The following AHNAK2 variants were observed in gnomAD, a reference collection of about 807,000 sequenced individuals.
AHNAK2 encodes AHNAK nucleoprotein 2.
Under a neutral mutation model 30.7 loss-of-function variants are expected in AHNAK2, and 18 were observed. The observed-to-expected ratio is 0.59, with a 90% CI of 0.41 to 0.87. The LOEUF (loss-of-function observed/expected upper bound fraction) is 0.87, where lower values mean the gene tolerates loss of function less well. AHNAK2 is among the 40% of genes least tolerant of loss of function. The pLI is 0.00. For synonymous variants in AHNAK2, 3,590 were observed against 3,073.8 expected (o/e 1.17, Z -5.56); for missense variants, 8,604 against 7,373.0 (o/e 1.17, Z -6.11).
rs747020653 is a variant in AHNAK2 at position 104,940,966 on chromosome 14, T to A, written c.14485A>T (p.Thr4829Ser). 1 of 1,613,128 alleles carries A rather than the reference T, an allele frequency of 6.2e-7. No individual in the cohort carries two copies. Among genetic ancestry groups the A allele is most frequent in the Non-Finnish European group, 8.5e-7 (1 of 1,179,838 alleles). Residue 4829 changes from threonine to serine, a missense_variant, in exon 7 of 7, where the codon ACT becomes TCT. Transcript: ENST00000333244. The surrounding 1 kb of genome is among the most constrained non-coding windows in gnomAD (Gnocchi z 4.4). ...ACTCCCTCTGGAGGCTGCAGGTCAG[T>A]GGAGCACTCTGTCTTGGGAAGAGGA... ...DIPLPKTECS[T>S]DLQPPEGVPT...
At position 104,939,002 on chromosome 14, in the gene AHNAK2, C is replaced by T; in HGVS notation, c.16449G>A (p.Val5483=). ...ESQEVTIHSI[V]TPEFVDLSVP... Reference sequence around the variant, plus strand: ...CTGAGAGATCTACAAACTCTGGTGTCACTATGCTGTGTATAGTGACCTCTT... The same window carrying T: ...CTGAGAGATCTACAAACTCTGGTGTTACTATGCTGTGTATAGTGACCTCTT... The change falls in exon 7 of 7, where the codon GTG becomes GTA. Residue 5483 remains valine, a synonymous_variant. Transcript: ENST00000333244. 6.2e-7 allele frequency: 1 copy of T among 1,611,326 alleles called. No homozygotes were observed. Among genetic ancestry groups the T allele is most frequent in the Non-Finnish European group, 8.5e-7 (1 of 1,178,904 alleles).
At position 104,944,401 on chromosome 14, in the gene AHNAK2, T is replaced by G; in HGVS notation, c.11050A>C (p.Thr3684Pro). The G allele has an allele frequency of 6.2e-7, 1 of 1,612,208 alleles. No individual in the cohort carries two copies. The highest frequency in any genetic ancestry group is 1.1e-5 in the South Asian group (1 of 90,996). ...LPSMQGDLKTTDLSIQPPSAD... is the reference protein window; with the variant it reads ...LPSMQGDLKTPDLSIQPPSAD... ...GAAGGGGGCTGAATGCTGAGGTCAG[T>G]GGTCTTCAGGTCCCCCTGCATGGAG... Residue 3684 changes from threonine (T) to proline (P), a missense_variant, in exon 7 of 7, where the codon ACT becomes CCT. By Grantham distance (38) the Thr-to-Pro change is conservative. Coordinates refer to ENST00000333244, the MANE Select transcript of AHNAK2 (RefSeq NM_138420.4).
Position 104,940,005 on chromosome 14 carries a change from T to G in AHNAK2, c.15446A>C (p.Glu5149Ala), listed in dbSNP as rs538236789. The G allele has an allele frequency of 3.1e-6, 5 of 1,612,634 alleles. No individual in the cohort carries two copies. Among genetic ancestry groups the G allele is most frequent in the South Asian group, 1.1e-5 (1 of 91,082 alleles). The change falls in exon 7 of 7, where the codon GAG becomes GCG. Residue 5149 changes from glutamate to alanine, a missense_variant. Physicochemically the swap from Glu to Ala is moderately radical, Grantham distance 107. Transcript: ENST00000333244. The surrounding 1 kb of genome is among the most constrained non-coding windows in gnomAD (Gnocchi z 4.4). ...ATCTTCAGGTGTGGGGGCTATCCCCTCCCCACAAGGCTGGCTCACTGGGAC... is the reference window on the plus strand; with the variant it reads ...ATCTTCAGGTGTGGGGGCTATCCCCGCCCCACAAGGCTGGCTCACTGGGAC... ...GDVPVSQPCG[E>A]GIAPTPEDPL...
Position 104,945,619 on chromosome 14 carries a change from C to A in AHNAK2, c.9832G>T (p.Val3278Phe). The change falls in exon 7 of 7, where the codon GTC becomes TTC. Residue 3278 changes from valine (V) to phenylalanine (F), a missense_variant. Physicochemically the swap from Val to Phe is conservative, Grantham distance 50. Transcript: ENST00000333244. The part of the protein sequence containing the change: ...EVSQPSMEVD[V>F]EAPGAKLDGA... ...TCCAACTTGGCTCCTGGGGCCTCGA[C>A]GTCCACCTCCATGCTGGGCTGAGAC... is the stretch of plus-strand genomic sequence containing the variant. 8 of 1,592,884 alleles carry A rather than the reference C, an allele frequency of 5.0e-6. No individual in the cohort carries two copies. Among genetic ancestry groups the A allele is most frequent in the Non-Finnish European group, 6.9e-6 (8 of 1,165,878 alleles).
At chr14:104,972,090 A>G (rs1330623562) in intron 1 of AHNAK2, among the ~76,000 whole-genome samples, 2 of 152,188 alleles carry the variant, frequency 1.3e-5, no homozygotes. Context: ...AGGGCAGGGA[A>G]GGCTCTGTCC....
chr14:104,963,805 G>A (rs1378885051), intron 1 of AHNAK2, among the ~76,000 whole-genome samples: 2 of 149,330 alleles, frequency 1.3e-5, no homozygotes, highest in Non-Finnish European at 3.0e-5. Flanking sequence ...ACTCCAGCCT[G>A]GGCCACACAG....
chr14:104,975,512 G>A (rs1405307925), intron 1 of AHNAK2, among the ~76,000 whole-genome samples: 1 of 152,212 alleles, frequency 6.6e-6, no homozygotes, highest in Non-Finnish European at 1.5e-5. Context: ...GCCCATTCCT[G>A]CCACTAGCGG....
At chr14:104,969,369 A>T (rs953756143) in intron 1 of AHNAK2, among the ~76,000 whole-genome samples, 1 of 152,212 alleles carries the variant, frequency 6.6e-6, no homozygotes, top group Non-Finnish European at 1.5e-5. Context: ...CCTAGCCGAC[A>T]TCCCCAGCCT....
chr14:104,945,253 T>G lies in AHNAK2; in HGVS notation c.10198A>C (p.Lys3400Gln), dbSNP rs377499437. Residue 3400 changes from lysine to glutamine, a missense_variant, in exon 7 of 7, where the codon AAG becomes CAG. Coordinates refer to ENST00000333244, the MANE Select transcript of AHNAK2 (RefSeq NM_138420.4). The part of the protein sequence containing the change: ...HLPKVEMPSF[K>Q]MPKVDLKSPQ... The stretch of plus-strand genomic sequence containing the variant: ...CTCTTGAGGTCCACTTTGGGCATCT[T>G]GAAACTGGGCATCTCCACCTTGGGC... The G allele has an allele frequency of 3.1e-6, 5 of 1,612,812 alleles. No individual in the cohort carries two copies. The highest frequency in any genetic ancestry group is 4.2e-6 in the Non-Finnish European group (5 of 1,179,572).
At position 104,964,850 on chromosome 14, in the gene AHNAK2, A is replaced by T. The variant is rs534439810; in HGVS notation, c.56-7178T>A. ...GGTTTGTACCCTTTCTCCATAAAAA[A>T]TTTTAGAATTCTATATAAAATCAAA... On this transcript the variant is annotated intron_variant, in intron 1 of 6. Transcript: ENST00000333244. Among the ~76,000 whole-genome samples, 276 of 152,348 alleles carry T rather than the reference A, an allele frequency of 1.8e-3. 2 individuals carry two copies. Among genetic ancestry groups the T allele is most frequent in the African/African-American group, 6.4e-3 (266 of 41,582 alleles).
rs1337644005 is a variant in AHNAK2 at position 104,940,084 on chromosome 14, G to A, written c.15367C>T (p.Pro5123Ser). ...CCTTCGGTAGACAGATCATGTTTGGGAAGAGGCAGGTCAGCTTCAGGCTGG... is the reference window on the plus strand; with the variant it reads ...CCTTCGGTAGACAGATCATGTTTGGAAAGAGGCAGGTCAGCTTCAGGCTGG... ...VSQPEADLPL[P>S]KHDLSTEGDS... is the part of the protein sequence containing the mutation. Residue 5123 changes from proline to serine, a missense_variant, in exon 7 of 7, where the codon CCC becomes TCC. By Grantham distance (74) the Pro-to-Ser change is moderately conservative. Transcript: ENST00000333244. This position sits in a 1 kb window ranked among gnomAD's most constrained non-coding sequence, Gnocchi z 4.4. The A allele has an allele frequency of 5.6e-6, 9 of 1,613,160 alleles. No individual in the cohort carries two copies. The highest frequency in any genetic ancestry group is 7.6e-6 in the Non-Finnish European group (9 of 1,179,888).
rs777772167 is a variant in AHNAK2 at position 104,954,002 on chromosome 14, C to G, written c.1449G>C (p.Arg483Ser). The change falls in exon 7 of 7, where the codon AGG (arginine) becomes AGC (serine). Residue 483 changes from arginine to serine, a missense_variant. Physicochemically the swap from Arg to Ser is moderately radical, Grantham distance 110. Coordinates refer to ENST00000333244, the MANE Select transcript of AHNAK2 (RefSeq NM_138420.4). This position sits in a 1 kb window ranked among gnomAD's most constrained non-coding sequence, Gnocchi z 4.3. ...GGTQIGPPEI[R>S]VRVHDLKTPK... ...GTGTCTTTAAATCGTGTACTCGCAC[C>G]CTAATTTCTGGTGGGCCAATCTGTG... is the stretch of plus-strand genomic sequence containing the variant. 2 of 1,613,762 alleles carry G rather than the reference C, an allele frequency of 1.2e-6. No individual in the cohort carries two copies. Among genetic ancestry groups the G allele is most frequent in the African/African-American group, 1.3e-5 (1 of 75,014 alleles).
rs372599226 is a variant in AHNAK2, at chr14:104,950,521, G to A, written c.4930C>T (p.Leu1644=). 11 of 1,586,238 alleles carry A rather than the reference G, an allele frequency of 6.9e-6. 2 individuals are homozygous for A. The South Asian group carries it at 1.1e-4, about 16-fold the overall frequency. The part of the protein sequence containing the change: ...KLDGAQLEGD[L]SLADKAVTAK... The stretch of plus-strand genomic sequence containing the variant: ...GTCACCGCCTTGTCGGCCAGGGACA[G>A]GTCCCCCTCCAGCTGCGCACCATCC... The change falls in exon 7 of 7, where the codon CTG becomes TTG. Residue 1644 remains leucine (L), a synonymous_variant. Transcript: ENST00000333244.
At position 104,944,091 on chromosome 14, in the gene AHNAK2, C is replaced by G. The variant is rs766912068; in HGVS notation, c.11360G>C (p.Gly3787Ala). 56 of 1,613,428 alleles carry G rather than the reference C, an allele frequency of 3.5e-5. No homozygotes were observed. Among genetic ancestry groups the G allele is most frequent in the Non-Finnish European group, 4.6e-5 (54 of 1,179,702 alleles). ...RAKLDSAQLE[G>A]DLSLADKDVT... ...ATCCTTGTCGGCCAGGGACAGGTCC[C>G]CCTCCAGCTGTGCACTATCCAGTTT... Residue 3787 changes from glycine to alanine, a missense_variant, in exon 7 of 7, where the codon GGG becomes GCG. Gly to Ala is a moderately conservative substitution (Grantham distance 60). Coordinates refer to ENST00000333244, the MANE Select transcript of AHNAK2 (RefSeq NM_138420.4).
In AHNAK2 at chr14:104,939,142, G is replaced by A; in HGVS notation, c.16309C>T (p.Leu5437=). Reference sequence around the variant, plus strand: ...CCAGGGACCCCAGCACCTGCCTTCAGGATGCTGGCTCCCCAGAGCCCCGGA... The same window carrying A: ...CCAGGGACCCCAGCACCTGCCTTCAAGATGCTGGCTCCCCAGAGCCCCGGA... The part of the protein sequence containing the change: ...ESPGLWGASI[L]KAGAGVPGEQ... Residue 5437 remains leucine (L), a synonymous_variant, in exon 7 of 7, where the codon CTG becomes TTG. Coordinates refer to ENST00000333244, the MANE Select transcript of AHNAK2 (RefSeq NM_138420.4). 6.2e-7 allele frequency: 1 copy of A among 1,611,140 alleles called. No homozygotes were observed. Among genetic ancestry groups the A allele is most frequent in the South Asian group, 1.1e-5 (1 of 90,630 alleles).
chr14:104,947,862 T>C lies in AHNAK2; in HGVS notation c.7589A>G (p.Asp2530Gly). 1 of 1,612,266 alleles carries C rather than the reference T, an allele frequency of 6.2e-7. No homozygotes were observed. Among genetic ancestry groups the C allele is most frequent in the Non-Finnish European group, 8.5e-7 (1 of 1,179,492 alleles). ...SSMQGDLKATDLSIQPPSADL... is the reference protein window; with the variant it reads ...SSMQGDLKATGLSIQPPSADL... ...AGCGGAAGGGGGCTGAATGCTGAGG[T>C]CAGTGGCCTTGAGGTCCCCCTGCAT... Residue 2530 changes from aspartate (D) to glycine (G), a missense_variant, in exon 7 of 7, where the codon GAC (aspartate) becomes GGC (glycine). Asp to Gly is a moderately conservative substitution (Grantham distance 94). Coordinates refer to ENST00000333244, the MANE Select transcript of AHNAK2 (RefSeq NM_138420.4).
Position 104,954,479 on chromosome 14 carries a change from G to A in AHNAK2, c.972C>T (p.Leu324=). ...CCGAGCCTGTCCTGAATCTGAGGTT[G>A]AGGAACTTCCGCCTCCTCTGGCTGC... The part of the protein sequence containing the change: ...GPGSQRRRKF[L]NLRFRTGSGQ... Residue 324 remains leucine, a synonymous_variant, in exon 7 of 7, where the codon CTC becomes CTT. Coordinates refer to ENST00000333244, the MANE Select transcript of AHNAK2 (RefSeq NM_138420.4). This position sits in a 1 kb window ranked among gnomAD's most constrained non-coding sequence, Gnocchi z 4.3. 6.2e-7 allele frequency: 1 copy of A among 1,612,784 alleles called. No individual in the cohort carries two copies. The highest frequency in any genetic ancestry group is 8.5e-7 in the Non-Finnish European group (1 of 1,179,600).
chr14:104,960,956 A>AC (rs1899118472), intron 1 of AHNAK2, among the ~76,000 whole-genome samples: 1 of 151,184 alleles, frequency 6.6e-6, no homozygotes, highest in Non-Finnish European at 1.5e-5. Flanking sequence ...ACATGGTGAA[A>AC]CCCCTCTCTA....
chr14:104,941,926 T>G lies in AHNAK2; in HGVS notation c.13525A>C (p.Thr4509Pro), dbSNP rs754415298. 1.2e-6 allele frequency: 2 copies of G among 1,613,356 alleles called. No homozygotes were observed. Among genetic ancestry groups the G allele is most frequent in the Non-Finnish European group, 1.7e-6 (2 of 1,179,576 alleles). The change falls in exon 7 of 7, where the codon ACT (threonine) becomes CCT (proline). Residue 4509 changes from threonine to proline, a missense_variant. Thr to Pro is a conservative substitution (Grantham distance 38, BLOSUM62 -1). Transcript: ENST00000333244. ...GAAGGGGCCTGAATGCGGAGGTCAG[T>G]GGTCTTGAGGTCCCCCTGCATGGAG... ...IPSMQGDLKTTDLRIQAPSAD... is the reference protein window; with the variant it reads ...IPSMQGDLKTPDLRIQAPSAD...
Sources: allele counts gnomAD v4.1 joint callset (sites outside exome capture counted in the v4.1 genomes callset), GRCh38; gene constraint gnomAD v4.1.1; non-coding constraint Gnocchi (gnomAD v3.1); transcripts MANE v1.5; gene names NCBI Gene and HGNC (gene_info 2026-07-23, HGNC 2026-07-21).